The following SLC45A2 variants were observed in gnomAD, a reference collection of about 807,000 sequenced individuals.
SLC45A2 encodes the protein solute carrier family 45 member 2, also known as membrane-associated transporter protein.
Under a neutral mutation model 45.5 loss-of-function variants are expected in SLC45A2, and 36 were observed. That is an observed-to-expected ratio of 0.79 (90% CI 0.61 to 1.04). The LOEUF (loss-of-function observed/expected upper bound fraction) is 1.04, where lower values mean the gene tolerates loss of function less well. Ranked by LOEUF, SLC45A2 falls within the 50% of genes least tolerant of loss-of-function variation. SLC45A2 has a pLI of 0.00. For synonymous variants in SLC45A2, 306 were observed against 269.3 expected, an observed-to-expected ratio of 1.14 and a Z score of -1.33; for missense variants, 719 against 671.0, an observed-to-expected ratio of 1.07 and a Z score of -0.79.
chr5:33,954,490 C>A lies in SLC45A2; in HGVS notation c.903G>T (p.Met301Ile). 1.2e-6 allele frequency: 2 copies of A among 1,613,920 alleles called. No homozygotes were observed. The highest frequency in any genetic ancestry group is 1.7e-4 in the Middle Eastern group (1 of 5,960). ...KNHAEQTRRA[M>I]TLKSLLRALV... The stretch of plus-strand genomic sequence containing the variant: ...GTGCTCTCAGCAGTGACTTTAATGT[C>A]ATTGCCCTGCGAGTCTGAAATAAAA... Residue 301 changes from methionine to isoleucine, a missense_variant, in exon 4 of 7, where the codon ATG (methionine) becomes ATT (isoleucine). Coordinates refer to ENST00000296589, the MANE Select transcript of SLC45A2 (RefSeq NM_016180.5).
At chr5:33,958,916 C>A (rs533908576) in intron 3 of SLC45A2, among the ~76,000 whole-genome samples, 1 of 152,240 alleles carries the variant, frequency 6.6e-6, no homozygotes, top group South Asian at 2.1e-4. Flanking sequence ...CCCAGTCTAT[C>A]GAAGGGGACA....
At chr5:33,969,394 TCA>T (rs1262215115) in intron 2 of SLC45A2, among the ~76,000 whole-genome samples, 3 of 152,120 alleles carry the variant, frequency 2.0e-5, no homozygotes, top group Non-Finnish European at 4.4e-5. Flanking sequence ...ACTTTTCTCT[TCA>T]AAGATGCTGA....
At chr5:33,960,928 ACTCT>A (rs1752436277) in intron 3 of SLC45A2, among the ~76,000 whole-genome samples, 1 of 152,126 alleles carries the variant, frequency 6.6e-6, no homozygotes, top group Non-Finnish European at 1.5e-5. Flanking sequence ...ATACATAGGA[ACTCT>A]CTCTACTATC....
chr5:33,946,925 T>C (rs1198516414), intron 6 of SLC45A2: 3 of 1,433,316 alleles, frequency 2.1e-6, no homozygotes, highest in African/African-American at 1.4e-5. Flanking sequence ...TAACACTTCT[T>C]GCCCTACAGC....
At chr5:33,949,172 G>C (rs1752025197) in intron 5 of SLC45A2, among the ~76,000 whole-genome samples, 1 of 152,224 alleles carries the variant, frequency 6.6e-6, no homozygotes, top group African/African-American at 2.4e-5. Flanking sequence ...GTCCCTATCA[G>C]CACTCTCCAC....
At chr5:33,976,120 T>C (rs540962479) in intron 2 of SLC45A2, among the ~76,000 whole-genome samples, 2 of 152,202 alleles carry the variant, frequency 1.3e-5, no homozygotes, top group South Asian at 4.1e-4. Context: ...CACTGTTTTG[T>C]GGGCGTTAGT....
At chr5:33,959,796 T>A (rs545659528) in intron 3 of SLC45A2, among the ~76,000 whole-genome samples, 1 of 152,270 alleles carries the variant, frequency 6.6e-6, no homozygotes, top group South Asian at 2.1e-4. Context: ...ACATGAGCAG[T>A]GTCGAAGTTT....
At chr5:33,978,153 A>G (rs73077147) in intron 2 of SLC45A2, among the ~76,000 whole-genome samples, 4,504 of 152,278 alleles carry the variant, frequency 0.03, 221 homozygotes, top group African/African-American at 0.1. Flanking sequence ...ATACCCTGTT[A>G]TAACCCTTCC....
intron 5 of SLC45A2, among the ~76,000 whole-genome samples, chr5:33,948,970 T>TG (rs1752017503): frequency 6.6e-6 from 1 of 152,244 alleles, no homozygotes; most frequent in Non-Finnish European, 1.5e-5. Flanking sequence ...ATGGGTCTGA[T>TG]ACCCAGTGGT....
intron 3 of SLC45A2, among the ~76,000 whole-genome samples, chr5:33,961,795 A>G (rs1752466375): frequency 6.6e-6 from 1 of 152,178 alleles, no homozygotes; most frequent in South Asian, 2.1e-4. Context: ...TGTTCCTGCC[A>G]AAGTTACCCC....
intron 6 of SLC45A2, chr5:33,945,865 A>G (rs1443812927): frequency 1.4e-6 from 1 of 735,686 alleles, no homozygotes; most frequent in Admixed American, 6.3e-5. Context: ...AAGAAAACAG[A>G]TTTACATTTG....
At position 33,945,447 on chromosome 5, in the gene SLC45A2, A is replaced by T. The variant is rs569812826; in HGVS notation, c.1369-575T>A. On this transcript the variant is annotated intron_variant, in intron 6 of 6. Transcript: ENST00000296589. ...TCTTTCAAAATATGGTTGCTACTTG[A>T]TTAATATAATAATGTTTGGTTAATA... Among the ~76,000 whole-genome samples, 7 of 152,354 alleles carry T rather than the reference A, an allele frequency of 4.6e-5. No homozygotes were observed. The East Asian group carries it at 1.3e-3, about 29-fold the overall frequency.
At position 33,946,114 on chromosome 5, in the gene SLC45A2, C is replaced by T; in HGVS notation, c.1368+1049G>A. 1.0e-5 allele frequency: 10 copies of T among 985,352 alleles called. No individual in the cohort carries two copies. The South Asian group carries it at 3.8e-4, about 37-fold the overall frequency. 61.0% of individuals were successfully genotyped at this position (985,352 alleles called of 1,614,324 possible). ...CAAGTGAGAGAGGCAGGATTTGAATCCAGGTTTCTCTGAGCCTGAAGCGTA... is the reference window on the plus strand; with the variant it reads ...CAAGTGAGAGAGGCAGGATTTGAATTCAGGTTTCTCTGAGCCTGAAGCGTA... On this transcript the variant is annotated intron_variant, in intron 6 of 6. Transcript: ENST00000296589.
intron 2 of SLC45A2, among the ~76,000 whole-genome samples, chr5:33,964,958 G>A (rs975709518): frequency 6.6e-6 from 1 of 152,126 alleles, no homozygotes; most frequent in Non-Finnish European, 1.5e-5. Context: ...TGGGGAGGGG[G>A]CAGTGGACAT....
chr5:33,982,103 C>G (rs1021331497), intron 2 of SLC45A2, 133 bp downstream of exon 2: 1 of 967,790 alleles, frequency 1.0e-6, no homozygotes, highest in African/African-American at 1.6e-5. Flanking sequence ...AGACAGTGCC[C>G]GCATGACGGG....
chr5:33,973,520 A>T (rs16892046), intron 2 of SLC45A2, among the ~76,000 whole-genome samples: 8,919 of 152,270 alleles, frequency 0.059, 899 homozygotes, highest in African/African-American at 0.21. Flanking sequence ...TCCTCTGTGT[A>T]AAAGGTTTAG....
intron 2 of SLC45A2, among the ~76,000 whole-genome samples, chr5:33,966,427 CTTTTTTTT>C (rs367752652): frequency 6.3e-5 from 6 of 95,196 alleles, no homozygotes; most frequent in African/African-American, 2.2e-4. Context: ...AAGCTACTTT[CTTTTTTTT>C]TTTTTTTTTT....
intron 2 of SLC45A2, among the ~76,000 whole-genome samples, chr5:33,981,661 A>G (rs933278517): frequency 6.6e-6 from 1 of 152,238 alleles, no homozygotes; most frequent in African/African-American, 2.4e-5. Flanking sequence ...TCCTCCTGGC[A>G]TGAACTTTTT....
chr5:33,984,194 C>T lies in SLC45A2; in HGVS notation c.385+5G>A. Reference sequence around the variant, plus strand: ...CTGTCTGCCCACCTTGTGCAGCCCACTTACCTGCTACAACAGTAGCCCCAT... The same window carrying T: ...CTGTCTGCCCACCTTGTGCAGCCCATTTACCTGCTACAACAGTAGCCCCAT... On this transcript the variant is annotated splice_donor_5th_base_variant and intron_variant, in intron 1 of 6. Coordinates refer to ENST00000296589, the MANE Select transcript of SLC45A2 (RefSeq NM_016180.5). The T allele has an allele frequency of 1.9e-6, 3 of 1,613,886 alleles. No individual in the cohort carries two copies. In the South Asian group the frequency reaches 3.3e-5, roughly 18 times the overall value.
Sources: gnomAD v4.1 joint callset for allele counts (sites outside exome capture counted in the v4.1 genomes callset) on GRCh38, gnomAD v4.1.1 for gene constraint, MANE v1.5 for transcripts, NCBI Gene and HGNC (gene_info 2026-07-23, HGNC 2026-07-21) for gene names.